The following TCF4 variants were observed in gnomAD, a reference collection of about 807,000 sequenced individuals.
TCF4 encodes the protein transcription factor 4.
TCF4 carries 3 observed loss-of-function variants against 82.1 expected under a neutral mutation model. The observed-to-expected ratio is 0.04, with a 90% CI of 0.02 to 0.09. The LOEUF is 0.09. Among genes scored for constraint, TCF4 ranks in the 10% least tolerant of loss-of-function variants. The pLI is 1.00. For synonymous variants in TCF4, 276 were observed against 309.6 expected, an observed-to-expected ratio of 0.89 and a Z score of 1.14; for missense variants, 518 against 852.7, an observed-to-expected ratio of 0.61 and a Z score of 4.89.
At chr18:55,427,381 G>A (rs924444105) in intron 5 of TCF4, among the ~76,000 whole-genome samples, 1 of 152,164 alleles carries the variant, frequency 6.6e-6, no homozygotes, top group East Asian at 1.9e-4. Flanking sequence ...CAGCTCCCTT[G>A]AGAAATAGTT....
At chr18:55,481,705 C>T (rs536366750) in intron 3 of TCF4, among the ~76,000 whole-genome samples, 20 of 152,342 alleles carry the variant, frequency 1.3e-4, no homozygotes, top group African/African-American at 4.8e-4. Flanking sequence ...TGTAACTCTC[C>T]ACTTAATCAA....
At chr18:55,240,126 T>C (rs1183647723) in intron 15 of TCF4, among the ~76,000 whole-genome samples, 1 of 152,214 alleles carries the variant, frequency 6.6e-6, no homozygotes, top group Non-Finnish European at 1.5e-5. Flanking sequence ...AAACTGGATA[T>C]ACTATTATAA....
chr18:55,252,731 A>G (rs2055615093), intron 15 of TCF4, among the ~76,000 whole-genome samples: 1 of 152,342 alleles, frequency 6.6e-6, no homozygotes, highest in Middle Eastern at 3.4e-3. Context: ...ATGCAAAATG[A>G]ACACAGCTAC....
intron 3 of TCF4, among the ~76,000 whole-genome samples, chr18:55,568,206 A>G (rs958570960): frequency 6.6e-6 from 1 of 151,618 alleles, no homozygotes; most frequent in Non-Finnish European, 1.5e-5. Context: ...AGTACATAGA[A>G]AGCAGGAAAT....
intron 5 of TCF4, chr18:55,422,125 CAAAAA>C (rs555892552): frequency 9.4e-4 from 305 of 322,856 alleles, no homozygotes; most frequent in Middle Eastern, 2.9e-3. Context: ...CACTATCATC[CAAAAA>C]AAAAAAAAAA....
In TCF4 at chr18:55,539,048, T is replaced by TA. The variant is rs948961570; in HGVS notation, c.145+46231dup. ...CACGTGCGCGCACACACACTCCATTTAAAAAAAAAAAGCCTGGATAAAACA... is the reference window on the plus strand; with the variant it reads ...CACGTGCGCGCACACACACTCCATTTAAAAAAAAAAAAGCCTGGATAAAACA... On this transcript the variant is annotated intron_variant, in intron 3 of 19. Transcript: ENST00000354452. Among the ~76,000 whole-genome samples the TA allele has an allele frequency of 6.1e-4, 86 of 141,880 alleles. No individual in the cohort carries two copies. In the East Asian group the frequency reaches 7.3e-3, roughly 12 times the overall value. 93.1% of individuals were successfully genotyped at this position (141,880 alleles called of 152,430 possible). A position where few individuals can be genotyped will look rare whatever the true frequency, so the allele number is the denominator to read the frequency against.
At chr18:55,364,342 A>G (rs1002577929) in intron 6 of TCF4, among the ~76,000 whole-genome samples, 2 of 152,186 alleles carry the variant, frequency 1.3e-5, no homozygotes, top group African/African-American at 4.8e-5. Context: ...AATGTGGTAA[A>G]TTTACATTTA....
At chr18:55,572,053 C>T (rs1250529044) in intron 3 of TCF4, among the ~76,000 whole-genome samples, 2 of 152,318 alleles carry the variant, frequency 1.3e-5, no homozygotes, top group African/African-American at 4.8e-5. Context: ...TATCTCCACA[C>T]TATGCTACCA....
At chr18:55,464,031 T>C in intron 4 of TCF4, 45 bp downstream of exon 4, 1 of 1,550,464 alleles carries the variant, frequency 6.4e-7, no homozygotes, top group South Asian at 1.1e-5. Context: ...TCAATTTACA[T>C]ATGTGGGATG....
chr18:55,250,893 G>A (rs2054860047), intron 15 of TCF4, among the ~76,000 whole-genome samples: 1 of 152,188 alleles, frequency 6.6e-6, no homozygotes, highest in Non-Finnish European at 1.5e-5. Flanking sequence ...GATTCATAGG[G>A]CTGTAAGAAT....
chr18:55,588,382 C>T (rs1164917748), upstream of TCF4: 3 of 1,531,974 alleles, frequency 2.0e-6, no homozygotes, highest in East Asian at 4.9e-5. Flanking sequence ...GGATGCATCC[C>T]CCTCGCACCC....
intron 13 of TCF4, among the ~76,000 whole-genome samples, chr18:55,258,889 C>G (rs2057452437): frequency 6.6e-6 from 1 of 152,140 alleles, no homozygotes; most frequent in African/African-American, 2.4e-5. Flanking sequence ...TGATTATCCT[C>G]TTAAAATCAC....
intron 3 of TCF4, among the ~76,000 whole-genome samples, chr18:55,523,811 T>G (rs1276765042): frequency 6.6e-6 from 1 of 152,138 alleles, no homozygotes. Context: ...TTTACAATTT[T>G]TTTAAAAAAA....
intron 6 of TCF4, chr18:55,401,778 C>T: frequency 1.0e-6 from 1 of 985,846 alleles, no homozygotes; most frequent in African/African-American, 1.7e-5. Flanking sequence ...ACGCCAATTC[C>T]TATTAGTAAG....
intron 8 of TCF4, among the ~76,000 whole-genome samples, chr18:55,348,822 G>A (rs978398792): frequency 6.6e-6 from 1 of 152,034 alleles, no homozygotes; most frequent in African/African-American, 2.4e-5. Context: ...AGTTTTTTAT[G>A]GCTTTTATAG....
At chr18:55,378,615 T>G (rs1264164086) in intron 6 of TCF4, among the ~76,000 whole-genome samples, 1 of 152,190 alleles carries the variant, frequency 6.6e-6, no homozygotes, top group African/African-American at 2.4e-5. Context: ...AAAGGCTACA[T>G]CCTTCTCCCC....
intron 2 of TCF4, among the ~76,000 whole-genome samples, chr18:55,608,828 T>C (rs2097704551): frequency 6.6e-6 from 1 of 152,086 alleles, no homozygotes; most frequent in Admixed American, 6.6e-5. Flanking sequence ...TGGACATTAA[T>C]GTATACAAAT....
intron 3 of TCF4, among the ~76,000 whole-genome samples, chr18:55,543,416 AAAAATTTGCTTTGAC>A (rs1429920855): frequency 6.6e-6 from 1 of 152,068 alleles, no homozygotes; most frequent in Non-Finnish European, 1.5e-5. Context: ...CTTCCCTAAC[AAAAATTTGCTTTGAC>A]AATACACCTA....
intron 2 of TCF4, chr18:55,585,979 T>C (rs1240697622): frequency 1.5e-6 from 2 of 1,323,504 alleles, no homozygotes; most frequent in South Asian, 1.5e-5. Flanking sequence ...ACACCTTCCC[T>C]GAGTCAGAGC....
Sources: gnomAD v4.1 joint callset for allele counts (sites outside exome capture counted in the v4.1 genomes callset) on GRCh38, gnomAD v4.1.1 for gene constraint, MANE v1.5 for transcripts, NCBI Gene and HGNC (gene_info 2026-07-23, HGNC 2026-07-21) for gene names.